SYNE1: variants seen among roughly 807,000 people sequenced by gnomAD.
SYNE1 encodes nesprin-1.
SYNE1 carries 616 observed loss-of-function variants against 1,111.0 expected under a neutral mutation model. The observed-to-expected ratio is 0.55, with a 90% CI of 0.52 to 0.59. SYNE1 has a LOEUF of 0.59. SYNE1 is among the 20% of genes least tolerant of loss of function. The probability of loss-of-function intolerance (pLI) is 0.00; values close to 1 mark genes in which losing one functional copy is unlikely to be tolerated. For missense variants in SYNE1, 10,006 were observed against 10,417.0 expected (o/e 0.96, Z 1.72); for synonymous variants, 3,855 against 3,825.8 (o/e 1.01, Z -0.28).
At chr6:152,591,259 A>G (rs900342141) in intron 3 of SYNE1, among the ~76,000 whole-genome samples, 1 of 152,184 alleles carries the variant, frequency 6.6e-6, no homozygotes, top group Non-Finnish European at 1.5e-5. Context: ...TCTTTAAACT[A>G]TACTATACAG....
At chr6:152,491,201 C>T (rs1306175291) in intron 11 of SYNE1, among the ~76,000 whole-genome samples, 1 of 151,648 alleles carries the variant, frequency 6.6e-6, no homozygotes, top group African/African-American at 2.4e-5. Flanking sequence ...TATTCACCCA[C>T]ATTCCACTAG....
chr6:152,459,392 T>G (rs2098717798), intron 21 of SYNE1, among the ~76,000 whole-genome samples: 1 of 152,146 alleles, frequency 6.6e-6, no homozygotes, highest in Non-Finnish European at 1.5e-5. Context: ...GCTGATAAAC[T>G]TAGAAACCTG....
chr6:152,502,515 A>G (rs990596314), intron 10 of SYNE1, 118 bp downstream of exon 10: 2 of 793,534 alleles, frequency 2.5e-6, no homozygotes, highest in African/African-American at 1.7e-5. Flanking sequence ...GCTTTTTAAA[A>G]TCAGTTGGTC....
At chr6:152,150,333 A>G (rs1272795420) in intron 135 of SYNE1, among the ~76,000 whole-genome samples, 2 of 152,254 alleles carry the variant, frequency 1.3e-5, no homozygotes, top group Non-Finnish European at 2.9e-5. Context: ...CAATGGTGAA[A>G]AAGACTCCCA....
At chr6:152,340,581 A>G (rs972195402) in intron 74 of SYNE1, among the ~76,000 whole-genome samples, 14 of 152,178 alleles carry the variant, frequency 9.2e-5, no homozygotes, top group Non-Finnish European at 1.8e-4. Flanking sequence ...GAGCAAAGTC[A>G]CCATCTCCTC....
intron 56 of SYNE1, among the ~76,000 whole-genome samples, chr6:152,377,539 G>C (rs1294112543): frequency 6.9e-6 from 1 of 145,584 alleles, no homozygotes; most frequent in Non-Finnish European, 1.5e-5. Context: ...AACCTGGGAG[G>C]TGGAGGTTGC....
intron 21 of SYNE1, 93 bp from the exon 22 acceptor site, chr6:152,459,023 T>C (rs111807529): frequency 1.8e-5 from 19 of 1,084,002 alleles, no homozygotes; most frequent in African/African-American, 1.7e-4. Context: ...TTTTCTTTAG[T>C]GACATGATCA....
intron 101 of SYNE1, among the ~76,000 whole-genome samples, chr6:152,261,181 T>C (rs2091938169): frequency 6.6e-6 from 1 of 152,208 alleles, no homozygotes; most frequent in Admixed American, 6.5e-5. Flanking sequence ...GGAAAGGTTT[T>C]AGAATTCACT....
chr6:152,506,501 TATA>T (rs529741645), intron 8 of SYNE1, among the ~76,000 whole-genome samples: 6 of 152,056 alleles, frequency 3.9e-5, no homozygotes, highest in East Asian at 1.9e-4. Flanking sequence ...TGCTGATTAA[TATA>T]ATAAGTTTGT....
chr6:152,278,281 C>T lies in SYNE1; in HGVS notation c.18382-1G>A, dbSNP rs762660111. On this transcript the variant is annotated splice_acceptor_variant, in intron 97 of 145. Transcript: ENST00000367255. LOFTEE classifies it high-confidence loss of function. ...TCTGCTCTATTTCCACCAGCATATT[C>T]TGCAGCAACAGAAATAAGAATGAAA... 1.2e-6 allele frequency: 2 copies of T among 1,613,994 alleles called. No individual in the cohort carries two copies. Among genetic ancestry groups the T allele is most frequent in the Non-Finnish European group, 1.7e-6 (2 of 1,180,030 alleles).
At chr6:152,548,023 A>G (rs1343590333) in intron 3 of SYNE1, among the ~76,000 whole-genome samples, 2 of 152,198 alleles carry the variant, frequency 1.3e-5, no homozygotes, top group East Asian at 3.8e-4. Context: ...TTATACCTCA[A>G]TAAGGCTGGG....
At chr6:152,315,277 C>G (rs1353368768) in intron 87 of SYNE1, 1 of 147,098 alleles carries the variant, frequency 6.8e-6, no homozygotes, top group Admixed American at 6.8e-5. Context: ...TCTTGGCTCA[C>G]TGCAACCTCC....
chr6:152,236,049 G>T, intron 110 of SYNE1, 58 bp downstream of exon 110: 1 of 1,568,204 alleles, frequency 6.4e-7, no homozygotes, highest in Non-Finnish European at 8.8e-7. Flanking sequence ...ACCCGCACTA[G>T]CCTTATTAAT....
intron 98 of SYNE1, among the ~76,000 whole-genome samples, chr6:152,270,542 C>T (rs2093115467): frequency 6.6e-6 from 1 of 152,170 alleles, no homozygotes; most frequent in Non-Finnish European, 1.5e-5. Context: ...TTGAAAGGCC[C>T]TAAAATGTTG....
At chr6:152,632,749 T>C (rs2099700003) in intron 2 of SYNE1, among the ~76,000 whole-genome samples, 1 of 152,238 alleles carries the variant, frequency 6.6e-6, no homozygotes, top group Non-Finnish European at 1.5e-5. Flanking sequence ...TGAGGTATAC[T>C]TATGCCAAAT....
At chr6:152,478,513 T>C (rs1177723233) in intron 14 of SYNE1, 1 of 152,256 alleles carries the variant, frequency 6.6e-6, no homozygotes, top group Non-Finnish European at 1.5e-5. Flanking sequence ...AGAGCACAGA[T>C]GGTTCACCCA....
At chr6:152,628,136 G>C (rs1357692423) in intron 3 of SYNE1, 129 bp downstream of exon 3, 2 of 952,212 alleles carry the variant, frequency 2.1e-6, no homozygotes, top group African/African-American at 3.3e-5. Context: ...GAAAACACTG[G>C]AATAAAGACA....
At chr6:152,510,459 G>C in intron 7 of SYNE1, 88 bp from the exon 8 acceptor site, 1 of 1,451,632 alleles carries the variant, frequency 6.9e-7, no homozygotes, top group Non-Finnish European at 9.5e-7. Context: ...CAACAAATGA[G>C]TTATGTTAAC....
At chr6:152,546,502 C>CT (rs2099313941) in intron 3 of SYNE1, 3 of 152,138 alleles carry the variant, frequency 2.0e-5, no homozygotes, top group Admixed American at 2.0e-4. Flanking sequence ...CTTAAGAGGA[C>CT]TTGAGATTCC....
Sources: gnomAD v4.1 joint callset for allele counts (sites outside exome capture counted in the v4.1 genomes callset) on GRCh38, gnomAD v4.1.1 for gene constraint, MANE v1.5 for transcripts, NCBI Gene and HGNC (gene_info 2026-07-23, HGNC 2026-07-21) for gene names.